The following SEL1L3 variants were observed in gnomAD, a reference collection of about 807,000 sequenced individuals.
The protein encoded by SEL1L3 is SEL1L family member 3, also known as protein sel-1 homolog 3.
In SEL1L3, 76 loss-of-function variants were observed where a neutral mutation model predicts 142.8. The ratio of observed to expected loss-of-function variants is 0.53; its 90% CI spans 0.44 to 0.64. The LOEUF is 0.64. Ranked by LOEUF, SEL1L3 falls within the 30% of genes least tolerant of loss-of-function variation. The pLI, the probability that SEL1L3 is intolerant of heterozygous loss-of-function variation, is 0.00. For missense variants in SEL1L3, 1,262 were observed against 1,381.7 expected (o/e 0.91, Z 1.37); for synonymous variants, 504 against 519.6 (o/e 0.97, Z 0.41).
upstream of SEL1L3, chr4:25,863,326 C>T: frequency 1.7e-6 from 1 of 587,624 alleles, no homozygotes; most frequent in East Asian, 3.2e-5. Context: ...TCCTTCTCCC[C>T]TCGCGCTCCC....
At chr4:25,778,167 A>T (rs1334804533) in intron 16 of SEL1L3, among the ~76,000 whole-genome samples, 1 of 152,156 alleles carries the variant, frequency 6.6e-6, no homozygotes, top group East Asian at 1.9e-4. Flanking sequence ...CCAAAATTTA[A>T]GTGCAGACCA....
intron 20 of SEL1L3, chr4:25,759,720 TA>T (rs1718244926): frequency 6.6e-6 from 1 of 152,240 alleles, no homozygotes; most frequent in African/African-American, 2.4e-5. Flanking sequence ...TAAACACAGT[TA>T]GAGGGCCCGA....
the SEL1L3 span, among the ~76,000 whole-genome samples, chr4:25,725,860 A>C: frequency 6.6e-6 from 1 of 152,174 alleles, no homozygotes; most frequent in Non-Finnish European, 1.5e-5. Context: ...TAATTAGTGC[A>C]TAATGCACAG....
chr4:25,776,425 A>G, intron 16 of SEL1L3, 65 bp from the exon 17 acceptor site: 1 of 1,124,922 alleles, frequency 8.9e-7, no homozygotes, highest in African/African-American at 1.5e-5. Context: ...GTTTTTCTTC[A>G]TATGCTCTCA....
the SEL1L3 span, among the ~76,000 whole-genome samples, chr4:25,727,199 T>C: frequency 0.75 from 113,150 of 151,204 alleles, 42,571 homozygotes; most frequent in African/African-American, 0.82. Context: ...ACTACAGGCC[T>C]GTGCCACTAC....
chr4:25,757,783 TC>T lies in SEL1L3; in HGVS notation c.3090del (p.Trp1030Ter). ...CTGAAGGACTCCTCGTTACTGTGGC[TC>T]CAGCACCTGCAGACAAAGCCCAGGG... Reference protein sequence around the residue: ...SILQELYERCWSHSNEESFSP... With the variant: ...SILQELYERCXSHSNEESFSP... On this transcript the variant is annotated frameshift_variant, in exon 22 of 24. Transcript: ENST00000399878. LOFTEE classifies it high-confidence loss of function. 6.3e-7 allele frequency: 1 copy of T among 1,576,444 alleles called. No individual in the cohort carries two copies. The highest frequency in any genetic ancestry group is 8.6e-7 in the Non-Finnish European group (1 of 1,161,598).
At chr4:25,796,077 A>G (rs918720888) in intron 11 of SEL1L3, among the ~76,000 whole-genome samples, 3 of 152,104 alleles carry the variant, frequency 2.0e-5, no homozygotes, top group African/African-American at 7.2e-5. Context: ...TAAAATCCAC[A>G]TCTCTAGAAT....
chr4:25,771,943 T>C (rs1719247512), intron 17 of SEL1L3, among the ~76,000 whole-genome samples: 1 of 152,184 alleles, frequency 6.6e-6, no homozygotes, highest in Admixed American at 6.5e-5. Flanking sequence ...AACTATCCCA[T>C]ATAAATCTTG....
At chr4:25,825,711 T>C (rs981179031) in intron 6 of SEL1L3, among the ~76,000 whole-genome samples, 2 of 139,958 alleles carry the variant, frequency 1.4e-5, no homozygotes, top group African/African-American at 2.7e-5. Flanking sequence ...AGTCTTGCTC[T>C]GTTGCCAGGC....
intron 10 of SEL1L3, among the ~76,000 whole-genome samples, chr4:25,802,755 A>C (rs1713270619): frequency 6.6e-6 from 1 of 151,886 alleles, no homozygotes; most frequent in Non-Finnish European, 1.5e-5. Context: ...CTAATTTTTT[A>C]TGTTTTTAGT....
chr4:25,774,801 T>TG (rs1358538432), intron 17 of SEL1L3, among the ~76,000 whole-genome samples: 2 of 152,198 alleles, frequency 1.3e-5, no homozygotes, highest in Non-Finnish European at 2.9e-5. Flanking sequence ...GCCAAGATCG[T>TG]GCCACTGCAC....
intron 12 of SEL1L3, among the ~76,000 whole-genome samples, chr4:25,790,104 T>A (rs1712188422): frequency 6.6e-6 from 1 of 152,198 alleles, no homozygotes; most frequent in African/African-American, 2.4e-5. Flanking sequence ...TCATAAATAT[T>A]GTGGCTTTCC....
At chr4:25,718,581 G>A in the SEL1L3 span, 1 of 152,158 alleles carries the variant, frequency 6.6e-6, no homozygotes, top group East Asian at 1.9e-4. Context: ...GCTTACGGAG[G>A]AGTAGCCAAT....
At chr4:25,806,149 C>T (rs1713553064) in intron 9 of SEL1L3, among the ~76,000 whole-genome samples, 1 of 151,628 alleles carries the variant, frequency 6.6e-6, no homozygotes, top group East Asian at 1.9e-4. Flanking sequence ...CGCCATTCCC[C>T]TTCCTCAGCC....
the SEL1L3 span, among the ~76,000 whole-genome samples, chr4:25,739,041 TA>T: frequency 1.0e-4 from 15 of 147,972 alleles, no homozygotes; most frequent in Middle Eastern, 3.5e-3. Flanking sequence ...CTGTCTCTAC[TA>T]AAAAAAAAAT....
intron 2 of SEL1L3, among the ~76,000 whole-genome samples, chr4:25,837,721 T>G (rs1422064654): frequency 6.6e-6 from 1 of 152,136 alleles, no homozygotes; most frequent in African/African-American, 2.4e-5. Flanking sequence ...GAATTAATTT[T>G]GGAGCAGGAG....
In SEL1L3 at chr4:25,822,090, T is replaced by C. The variant is rs1321040636; in HGVS notation, c.1196A>G (p.Tyr399Cys). The C allele has an allele frequency of 6.2e-7, 1 of 1,613,756 alleles. No individual in the cohort carries two copies. The highest frequency in any genetic ancestry group is 1.7e-5 in the Admixed American group (1 of 60,016). The change falls in exon 7 of 24, where the codon TAC becomes TGC. Residue 399 changes from tyrosine (Y) to cysteine (C), a missense_variant. This residue lies in a region of SEL1L3 where 689 missense variants were observed against 692.8 expected (regional missense o/e 0.99). Coordinates refer to ENST00000399878, the MANE Select transcript of SEL1L3 (RefSeq NM_015187.5). ...ATACCTGCTCCCTCCAATAATGAAG[T>C]ACCCAGCTGTGTCATTATAATGGAA... ...EDFHYNDTAG[Y>C]FIIGGSRYVA...
intron 11 of SEL1L3, among the ~76,000 whole-genome samples, chr4:25,798,669 A>G (rs1416364785): frequency 6.6e-6 from 1 of 152,188 alleles, no homozygotes; most frequent in Non-Finnish European, 1.5e-5. Context: ...CTTCCCTAAA[A>G]ATACAAAAAT....
chr4:25,780,821 A>T (rs13135389), intron 15 of SEL1L3, among the ~76,000 whole-genome samples: 6 of 120,906 alleles, frequency 5.0e-5, no homozygotes, highest in East Asian at 2.2e-4. Flanking sequence ...ATATATATAT[A>T]TTTTATATAT....
Sources: allele counts gnomAD v4.1 joint callset (sites outside exome capture counted in the v4.1 genomes callset), GRCh38; gene constraint gnomAD v4.1.1; regional missense constraint gnomAD v4.1.1; transcripts MANE v1.5; gene names NCBI Gene and HGNC (gene_info 2026-07-23, HGNC 2026-07-21).